IL1RAPL2: variants seen among roughly 807,000 people sequenced by gnomAD.
IL1RAPL2 encodes the protein interleukin 1 receptor accessory protein like 2.
A neutral mutation model predicts 44.1 loss-of-function variants in IL1RAPL2; 3 were observed. The ratio of observed to expected loss-of-function variants is 0.07; its 90% CI spans 0.03 to 0.18. IL1RAPL2 has a LOEUF of 0.18. Ranked by LOEUF, IL1RAPL2 falls within the 10% of genes least tolerant of loss-of-function variation. The probability of loss-of-function intolerance (pLI) is 1.00; values close to 1 mark genes in which losing one functional copy is unlikely to be tolerated. For synonymous variants in IL1RAPL2, 181 were observed against 178.8 expected (o/e 1.01, Z -0.10); for missense variants, 391 against 496.4 (o/e 0.79, Z 2.02).
intron 5 of IL1RAPL2, among the ~76,000 whole-genome samples, chrX:105,383,899 T>G (rs1391121489): frequency 1.8e-5 from 2 of 112,178 alleles, no homozygotes; most frequent in Non-Finnish European, 3.8e-5. Flanking sequence ...TGGCCATTTA[T>G]ATGTCTTCTT....
At chrX:104,594,069 T>C (rs1028525406) in intron 1 of IL1RAPL2, among the ~76,000 whole-genome samples, 8 of 112,334 alleles carry the variant, frequency 7.1e-5, no homozygotes, top group African/African-American at 9.7e-5. Context: ...CAAATACTTA[T>C]AGAAGGCTTA....
At chrX:104,937,115 CAAATTATT>C (rs1196954470) in intron 2 of IL1RAPL2, among the ~76,000 whole-genome samples, 1 of 111,957 alleles carries the variant, frequency 8.9e-6, no homozygotes, top group African/African-American at 3.2e-5. Flanking sequence ...GAAGAGCTAC[CAAATTATT>C]AGCCTGCTGA....
chrX:104,640,148 T>C (rs1321140367), intron 1 of IL1RAPL2, among the ~76,000 whole-genome samples: 1 of 112,070 alleles, frequency 8.9e-6, no homozygotes, highest in Non-Finnish European at 1.9e-5. Flanking sequence ...GTATCCCATA[T>C]GTCATGTAGG....
At chrX:105,564,594 A>AT (rs1447667816) in intron 6 of IL1RAPL2, among the ~76,000 whole-genome samples, 1 of 111,850 alleles carries the variant, frequency 8.9e-6, no homozygotes, top group African/African-American at 3.2e-5. Context: ...TTGCCTGCCA[A>AT]TTTTTCCCTT....
intron 1 of IL1RAPL2, among the ~76,000 whole-genome samples, chrX:104,603,738 AAAGAC>A (rs1468590712): frequency 8.9e-6 from 1 of 111,878 alleles, no homozygotes; most frequent in Non-Finnish European, 1.9e-5. Flanking sequence ...AATAAAGAGA[AAAGAC>A]AAGGTTAGAG....
intron 6 of IL1RAPL2, among the ~76,000 whole-genome samples, chrX:105,614,897 T>C (rs750514330): frequency 9.0e-6 from 1 of 111,563 alleles, no homozygotes; most frequent in South Asian, 3.8e-4. Context: ...AGACAGCACG[T>C]AGAATGGGAG....
At chrX:105,103,155 C>A (rs1181810723) in intron 2 of IL1RAPL2, among the ~76,000 whole-genome samples, 1 of 112,045 alleles carries the variant, frequency 8.9e-6, no homozygotes, top group Admixed American at 9.5e-5. Flanking sequence ...TCTTTAAGTT[C>A]TCTCTGCCTC....
intron 5 of IL1RAPL2, among the ~76,000 whole-genome samples, chrX:105,359,060 G>A (rs2035229191): frequency 8.9e-6 from 1 of 112,052 alleles, no homozygotes; most frequent in African/African-American, 3.2e-5. Flanking sequence ...TCCCTGCTAA[G>A]GTGTTACCTT....
intron 2 of IL1RAPL2, among the ~76,000 whole-genome samples, chrX:105,134,294 A>C (rs993693920): frequency 1.8e-5 from 2 of 112,443 alleles, no homozygotes; most frequent in Admixed American, 1.9e-4. Flanking sequence ...TCAAATAAAT[A>C]AAAGTTGTAG....
intron 2 of IL1RAPL2, among the ~76,000 whole-genome samples, chrX:105,008,334 G>A (rs1044872527): frequency 9.0e-5 from 10 of 111,520 alleles, no homozygotes; most frequent in Admixed American, 6.7e-4. Flanking sequence ...TGCCATGATG[G>A]CAACCCAGCT....
chrX:105,655,563 A>G (rs1365880139), intron 6 of IL1RAPL2, among the ~76,000 whole-genome samples: 1 of 112,548 alleles, frequency 8.9e-6, no homozygotes, highest in African/African-American at 3.2e-5. Context: ...CTTGAATGTC[A>G]GAGTACAAGT....
chrX:104,577,552 G>A (rs1928264447), intron 1 of IL1RAPL2, among the ~76,000 whole-genome samples: 1 of 111,640 alleles, frequency 9.0e-6, no homozygotes, highest in Non-Finnish European at 1.9e-5. Context: ...AGGGAAGGAA[G>A]CATCAGGGAC....
chrX:105,039,568 G>C (rs1354636360), intron 2 of IL1RAPL2, among the ~76,000 whole-genome samples: 1 of 111,741 alleles, frequency 8.9e-6, no homozygotes, highest in Non-Finnish European at 1.9e-5. Flanking sequence ...TTTCACTTCA[G>C]AGAACATACA....
intron 5 of IL1RAPL2, among the ~76,000 whole-genome samples, chrX:105,286,668 C>T (rs1156555920): frequency 1.8e-5 from 2 of 109,370 alleles, no homozygotes; most frequent in South Asian, 3.9e-4. Context: ...GTTCAAACAA[C>T]CTACTGAATA....
chrX:104,585,262 TA>T (rs1569487913), intron 1 of IL1RAPL2, among the ~76,000 whole-genome samples: 420 of 28,917 alleles, frequency 0.015, 38 homozygotes, highest in African/African-American at 0.088. Context: ...ATAATATATA[TA>T]TAATATATTA....
At chrX:105,378,901 T>G (rs375691180) in intron 5 of IL1RAPL2, among the ~76,000 whole-genome samples, 94 of 111,942 alleles carry the variant, frequency 8.4e-4, no homozygotes, top group African/African-American at 2.9e-3. Flanking sequence ...ACAATAGACA[T>G]TGTATGGGAT....
chrX:104,581,899 G>A (rs1333866129), intron 1 of IL1RAPL2, among the ~76,000 whole-genome samples: 1 of 110,643 alleles, frequency 9.0e-6, no homozygotes, highest in Non-Finnish European at 1.9e-5. Flanking sequence ...AGTTCATCAT[G>A]AATTCTCAAA....
intron 5 of IL1RAPL2, among the ~76,000 whole-genome samples, chrX:105,290,744 A>G (rs1015542915): frequency 1.8e-5 from 2 of 111,454 alleles, no homozygotes; most frequent in African/African-American, 6.5e-5. Flanking sequence ...TACAGTATTG[A>G]GTCTTTCAGA....
intron 6 of IL1RAPL2, among the ~76,000 whole-genome samples, chrX:105,550,096 A>C (rs1333947737): frequency 8.9e-6 from 1 of 111,800 alleles, no homozygotes; most frequent in Non-Finnish European, 1.9e-5. Context: ...TTTTCACTGC[A>C]CCTTCTTTCC....
Sources: allele counts gnomAD v4.1 joint callset (sites outside exome capture counted in the v4.1 genomes callset), GRCh38; gene constraint gnomAD v4.1.1; transcripts MANE v1.5; gene names NCBI Gene and HGNC (gene_info 2026-07-23, HGNC 2026-07-21).